IARS1: variants seen among roughly 807,000 people sequenced by gnomAD.
The protein encoded by IARS1 is isoleucine--tRNA ligase, cytoplasmic.
In IARS1, 124 loss-of-function variants were observed where a neutral mutation model predicts 168.2. The ratio of observed to expected loss-of-function variants is 0.74; its 90% confidence interval spans 0.64 to 0.86. The LOEUF (loss-of-function observed/expected upper bound fraction) is 0.86. Ranked by LOEUF, IARS1 falls within the 40% of genes least tolerant of loss-of-function variation. The probability of loss-of-function intolerance (pLI) is 0.00; values close to 1 mark genes in which losing one functional copy is unlikely to be tolerated. For synonymous variants in IARS1, 532 were observed against 529.4 expected (o/e 1.00, Z -0.07); for missense variants, 1,452 against 1,515.8 (o/e 0.96, Z 0.70).
intron 29 of IARS1, among the ~76,000 whole-genome samples, chr9:92,241,855 A>G (rs1828456980): frequency 6.6e-6 from 1 of 152,174 alleles, no homozygotes; most frequent in Non-Finnish European, 1.5e-5. Flanking sequence ...ACCAGAATCC[A>G]CACACTGCCT....
At chr9:92,282,876 A>G (rs574579560) in intron 6 of IARS1, among the ~76,000 whole-genome samples, 2 of 144,602 alleles carry the variant, frequency 1.4e-5, no homozygotes, top group Non-Finnish European at 3.0e-5. Flanking sequence ...TTTTTTTGAG[A>G]CAGAGTCTAA....
In IARS1 at chr9:92,274,428, C is replaced by T. The variant is rs777578209; in HGVS notation, c.988G>A (p.Ala330Thr). Residue 330 changes from alanine (A) to threonine (T), a missense_variant and splice_region_variant, in exon 10 of 34, where the codon GCT becomes ACT. Physicochemically the swap from Ala to Thr is moderately conservative, Grantham distance 58. Transcript: ENST00000443024. ...TTTGCCAGACTTATGCTACTCACAG[C>T]ACCGAAGTAAGGAGCTTGGTGGACA... ...GVVHQAPYFG[A>T]EDYRVCMDFN... 1.2e-6 allele frequency: 2 copies of T among 1,612,210 alleles called. No homozygotes were observed. The highest frequency in any genetic ancestry group is 1.7e-6 in the Non-Finnish European group (2 of 1,178,320).
chr9:92,258,026 A>G (rs1213306217), intron 19 of IARS1, among the ~76,000 whole-genome samples: 1 of 152,180 alleles, frequency 6.6e-6, no homozygotes, highest in Admixed American at 6.5e-5. Flanking sequence ...ACACTTCCAC[A>G]TACATCACAA....
intron 9 of IARS1, among the ~76,000 whole-genome samples, chr9:92,277,325 T>C (rs1227546230): frequency 1.3e-5 from 2 of 152,028 alleles, no homozygotes; most frequent in African/African-American, 4.8e-5. Flanking sequence ...CTCGGGAGGC[T>C]GAGGCAGGAG....
At chr9:92,278,167 C>T (rs747599337) in intron 8 of IARS1, 32 bp downstream of exon 8, 1 of 1,351,278 alleles carries the variant, frequency 7.4e-7, no homozygotes. Context: ...GACACATGCA[C>T]ACAAACACAG....
At position 92,263,436 on chromosome 9, in the gene IARS1, G is replaced by A. The variant is rs573168549; in HGVS notation, c.1701-381C>T. ...AAAAGACAATTTGATGACAAAAGAT[G>A]CAAAATGCACTCTCACCCAAAAGTG... On this transcript the variant is annotated intron_variant, in intron 16 of 33. Transcript: ENST00000443024. 2.0e-5 allele frequency among the ~76,000 whole-genome samples: 3 copies of A among 152,286 alleles called. No homozygotes were observed. The South Asian group carries it at 6.2e-4, about 32-fold the overall frequency.
intron 32 of IARS1, 123 bp downstream of exon 32, chr9:92,223,223 C>A (rs757227229): frequency 7.6e-5 from 60 of 787,536 alleles, no homozygotes; most frequent in Non-Finnish European, 1.1e-4. Flanking sequence ...CCCAAAGTTG[C>A]GTGAGAGCCC....
At chr9:92,285,672 C>A (rs755117274) in intron 6 of IARS1, 50 bp downstream of exon 6, 5 of 1,162,748 alleles carry the variant, frequency 4.3e-6, no homozygotes, top group Non-Finnish European at 5.2e-6. Context: ...AACTACTCAG[C>A]TTCCACCTAC....
chr9:92,283,047 GT>G (rs373135814), intron 6 of IARS1, among the ~76,000 whole-genome samples: 1 of 151,904 alleles, frequency 6.6e-6, no homozygotes, highest in Non-Finnish European at 1.5e-5. Context: ...TAGAGATGGG[GT>G]TTTGTCATGT....
chr9:92,222,468 C>A, intron 33 of IARS1, 52 bp downstream of exon 33: 1 of 1,542,380 alleles, frequency 6.5e-7, no homozygotes, highest in African/African-American at 1.4e-5. Flanking sequence ...TTAATGGCAT[C>A]AAAATCTACT....
chr9:92,252,514 A>G (rs1587801743), intron 21 of IARS1: 1 of 439,462 alleles, frequency 2.3e-6, no homozygotes, highest in Non-Finnish European at 4.6e-6. Context: ...CACCTGTAAC[A>G]CCACTGCTTT....
At position 92,265,093 on chromosome 9, in the gene IARS1, A is replaced by G. The variant is rs140834935; in HGVS notation, c.1536T>C (p.Cys512=). The G allele has an allele frequency of 3.1e-5, 50 of 1,613,982 alleles. No individual in the cohort carries two copies. The highest frequency in any genetic ancestry group is 4.1e-5 in the Non-Finnish European group (48 of 1,179,944). ...AGATGCGGTGCAAGGATCCCTTCCC[A>G]CAGCGTGAAGGAATGGTCAGGTGGT... ...SVDHLTIPSR[C]GKGSLHRISE... Residue 512 remains cysteine, a synonymous_variant, in exon 16 of 34, where the codon TGT becomes TGC. Transcript: ENST00000443024.
At chr9:92,234,434 C>T (rs1827182095) in intron 30 of IARS1, among the ~76,000 whole-genome samples, 1 of 152,166 alleles carries the variant, frequency 6.6e-6, no homozygotes, top group African/African-American at 2.4e-5. Context: ...AAAGCTATTA[C>T]TAAGAAAATA....
In IARS1 at chr9:92,229,032, A is replaced by C. The variant is rs1826204759; in HGVS notation, c.3378T>G (p.Asn1126Lys). The change falls in exon 31 of 34, where the codon AAT (asparagine) becomes AAG (lysine). Residue 1126 changes from asparagine to lysine, a missense_variant. By Grantham distance (94) the Asn-to-Lys change is moderately conservative. Coordinates refer to ENST00000443024, the MANE Select transcript of IARS1 (RefSeq NM_002161.6). ...SVVTSIFGVK[N>K]TELAVFHDET... Reference sequence around the variant, plus strand: ...CATCATGGAAGACAGCCAGCTCTGTATTTTTCACACCAAAAATGCTAGTGA... The same window carrying C: ...CATCATGGAAGACAGCCAGCTCTGTCTTTTTCACACCAAAAATGCTAGTGA... 1 of 1,613,924 alleles carries C rather than the reference A, an allele frequency of 6.2e-7. No homozygotes were observed. Among genetic ancestry groups the C allele is most frequent in the Non-Finnish European group, 8.5e-7 (1 of 1,180,010 alleles).
chr9:92,244,983 T>A lies in IARS1; in HGVS notation c.2880A>T (p.Gln960His), dbSNP rs1828968710. 1 of 1,614,006 alleles carries A rather than the reference T, an allele frequency of 6.2e-7. No homozygotes were observed. Among genetic ancestry groups the A allele is most frequent in the Admixed American group, 1.7e-5 (1 of 60,002 alleles). The stretch of plus-strand genomic sequence containing the variant: ...CCTGAGCATCTGAGTGTGCTTCAAA[T>A]TGCGCAGTCCCACCTGTGGCCTGAT... ...TFDQATGGTA[Q>H]FEAHSDAQAL... Residue 960 changes from glutamine (Q) to histidine (H), a missense_variant, in exon 27 of 34, where the codon CAA becomes CAT. Coordinates refer to ENST00000443024, the MANE Select transcript of IARS1 (RefSeq NM_002161.6).
At chr9:92,254,557 G>A (rs1191186370) in intron 20 of IARS1, among the ~76,000 whole-genome samples, 1 of 152,122 alleles carries the variant, frequency 6.6e-6, no homozygotes, top group South Asian at 2.1e-4. Context: ...GTCGTTAGCT[G>A]GTCACACTTT....
At chr9:92,251,133 C>T in intron 22 of IARS1, 1 of 479,968 alleles carries the variant, frequency 2.1e-6, no homozygotes, top group South Asian at 1.5e-5. Context: ...GACTGACTGT[C>T]CCACACCTCA....
In IARS1 at chr9:92,289,293, T is replaced by G. The variant is rs1186349949; in HGVS notation, c.119+8A>C. ...CTTAAGGGAACTTAACCTAAAAAAT[T>G]CACATACTTTGGTTTATGTTTTGAT... is the stretch of plus-strand genomic sequence containing the variant. On this transcript the variant is annotated splice_region_variant and intron_variant, in intron 2 of 33. Coordinates refer to ENST00000443024, the MANE Select transcript of IARS1 (RefSeq NM_002161.6). 2 of 1,163,880 alleles carry G rather than the reference T, an allele frequency of 1.7e-6. No homozygotes were observed. The highest frequency in any genetic ancestry group is 1.8e-5 in the Admixed American group (1 of 55,012). The allele number at this position is 1,163,880 out of a possible 1,614,324, so 72.1% of individuals were successfully genotyped here. A position where few individuals can be genotyped will look rare whatever the true frequency, so the allele number is the denominator to read the frequency against.
At chr9:92,259,952 G>A (rs1229520362) in intron 18 of IARS1, among the ~76,000 whole-genome samples, 199 bp downstream of exon 18, 2 of 152,240 alleles carry the variant, frequency 1.3e-5, no homozygotes, top group South Asian at 2.1e-4. Flanking sequence ...AGACCTCTAG[G>A]TTTAAAAATG....
Sources: allele counts gnomAD v4.1 joint callset (sites outside exome capture counted in the v4.1 genomes callset), GRCh38; gene constraint gnomAD v4.1.1; transcripts MANE v1.5; gene names NCBI Gene and HGNC (gene_info 2026-07-23, HGNC 2026-07-21).